The following CCDC88A variants were observed in gnomAD, a reference collection of about 807,000 sequenced individuals.
CCDC88A encodes the protein girdin.
CCDC88A carries 54 observed loss-of-function variants against 234.3 expected under a neutral mutation model. That is an observed-to-expected ratio of 0.23 (90% CI 0.19 to 0.29). The LOEUF is 0.29. Among genes scored for constraint, CCDC88A ranks in the 10% least tolerant of loss-of-function variants. The pLI is 1.00. For missense variants in CCDC88A, 1,832 were observed against 2,123.4 expected, an observed-to-expected ratio of 0.86 and a Z score of 2.70; for synonymous variants, 753 against 737.8, an observed-to-expected ratio of 1.02 and a Z score of -0.33.
intron 2 of CCDC88A, among the ~76,000 whole-genome samples, chr2:55,400,699 A>G (rs1236013940): frequency 6.6e-6 from 1 of 152,236 alleles, no homozygotes; most frequent in Non-Finnish European, 1.5e-5. Flanking sequence ...ACTAATATAT[A>G]TAAGAAACAG....
intron 3 of CCDC88A, among the ~76,000 whole-genome samples, chr2:55,376,553 A>G (rs1395643010): frequency 6.6e-6 from 1 of 152,198 alleles, no homozygotes; most frequent in African/African-American, 2.4e-5. Context: ...TTATAGATAT[A>G]TACAAGAAAG....
chr2:55,317,911 C>T lies in CCDC88A; in HGVS notation c.3325-70G>A, dbSNP rs910656787. The T allele has an allele frequency of 2.7e-6, 3 of 1,103,614 alleles. No homozygotes were observed. The highest frequency in any genetic ancestry group is 1.6e-5 in the African/African-American group (1 of 63,760). The allele number at this position is 1,103,614 out of a possible 1,614,324, so 68.4% of individuals were successfully genotyped here. On this transcript the variant is annotated intron_variant, in intron 19 of 32. Transcript: ENST00000436346. The surrounding 1 kb of genome is among the most constrained non-coding windows in gnomAD (Gnocchi z 4.2). ...TGTTCTTTTTCAAAATACAAGATTA[C>T]AATGTTAATTAAAGAAAGCTCTAAA...
chr2:55,378,379 A>G (rs1558774362), intron 3 of CCDC88A, among the ~76,000 whole-genome samples: 1 of 152,266 alleles, frequency 6.6e-6, no homozygotes, highest in Non-Finnish European at 1.5e-5. Flanking sequence ...CCTCCATATC[A>G]TCTAAAAATG....
At chr2:55,387,538 T>C (rs1015568272) in intron 3 of CCDC88A, among the ~76,000 whole-genome samples, 1 of 151,774 alleles carries the variant, frequency 6.6e-6, no homozygotes, top group Non-Finnish European at 1.5e-5. Flanking sequence ...TCCCAGCACT[T>C]TGGGAGGCTG....
chr2:55,344,634 C>T (rs1455439524), intron 10 of CCDC88A, 120 bp from the exon 11 acceptor site: 1 of 491,588 alleles, frequency 2.0e-6, no homozygotes. Flanking sequence ...AGGAAACCTA[C>T]TGAGTAATAG....
At chr2:55,410,582 T>C (rs534158492) in intron 2 of CCDC88A, among the ~76,000 whole-genome samples, 6 of 152,310 alleles carry the variant, frequency 3.9e-5, no homozygotes, top group African/African-American at 1.4e-4. Flanking sequence ...TATCCACCTA[T>C]TTTTATTAAT....
intron 3 of CCDC88A, among the ~76,000 whole-genome samples, chr2:55,385,826 C>T (rs1220988703): frequency 1.7e-5 from 2 of 117,346 alleles, no homozygotes; most frequent in African/African-American, 6.5e-5. Context: ...GCACTCCAGC[C>T]TAGGTAACAG....
intron 16 of CCDC88A, chr2:55,331,757 A>G (rs544853594): frequency 6.6e-6 from 1 of 152,246 alleles, no homozygotes; most frequent in South Asian, 2.1e-4. Context: ...AAAGGCATAG[A>G]AGTTAATTTT....
chr2:55,352,966 ACTT>A (rs1670093480), intron 8 of CCDC88A, among the ~76,000 whole-genome samples: 1 of 152,172 alleles, frequency 6.6e-6, no homozygotes, highest in South Asian at 2.1e-4. Context: ...TAGGAGATTT[ACTT>A]CTTTTTAATA....
At chr2:55,385,104 T>C (rs1036229400) in intron 3 of CCDC88A, among the ~76,000 whole-genome samples, 1 of 151,892 alleles carries the variant, frequency 6.6e-6, no homozygotes, top group African/African-American at 2.4e-5. Context: ...AACACACACA[T>C]ATCACTGCCA....
chr2:55,341,373 C>T (rs1445189946), intron 12 of CCDC88A, among the ~76,000 whole-genome samples: 3 of 151,364 alleles, frequency 2.0e-5, no homozygotes, highest in African/African-American at 4.9e-5. Flanking sequence ...GTCTTGACCT[C>T]GTGATCTGCC....
At chr2:55,344,342 TA>T in intron 11 of CCDC88A, 25 bp downstream of exon 11, 1 of 1,511,874 alleles carries the variant, frequency 6.6e-7, no homozygotes, top group South Asian at 1.3e-5. Context: ...AAAGGCCATG[TA>T]ACTGATCTAC....
At chr2:55,327,736 G>A (rs1436056261) in intron 17 of CCDC88A, among the ~76,000 whole-genome samples, 1 of 152,188 alleles carries the variant, frequency 6.6e-6, no homozygotes, top group African/African-American at 2.4e-5. Flanking sequence ...TGTGGAATGG[G>A]AAAGTCCCTT....
chr2:55,320,617 G>T (rs1381354919), intron 18 of CCDC88A, among the ~76,000 whole-genome samples: 1 of 151,974 alleles, frequency 6.6e-6, no homozygotes, highest in Non-Finnish European at 1.5e-5. Context: ...AGCAATATAG[G>T]TATATATATC....
chr2:55,391,273 T>A (rs1676596725), intron 2 of CCDC88A, among the ~76,000 whole-genome samples: 1 of 152,108 alleles, frequency 6.6e-6, no homozygotes, highest in East Asian at 1.9e-4. Context: ...AAAACAAGTC[T>A]TGAAAGGATC....
Position 55,295,707 on chromosome 2 carries a change from C to A in CCDC88A, c.5441G>T (p.Gly1814Val). ...ATGGATGCTTGTCCTTCGTGTAGTT[C>A]CTTCGGCAGTTGAGATCACGCTGCT... ...RASSVISTAE[G>V]TTRRTSIHDF... The change falls in exon 31 of 33, where the codon GGA (glycine) becomes GTA (valine). Residue 1814 changes from glycine to valine, a missense_variant. By Grantham distance (109) the Gly-to-Val change is moderately radical. Transcript: ENST00000436346. The A allele has an allele frequency of 6.2e-7, 1 of 1,614,132 alleles. No individual in the cohort carries two copies. The highest frequency in any genetic ancestry group is 8.5e-7 in the Non-Finnish European group (1 of 1,180,024).
chr2:55,354,781 G>A (rs1397182669), intron 8 of CCDC88A, among the ~76,000 whole-genome samples: 1 of 151,298 alleles, frequency 6.6e-6, no homozygotes, highest in African/African-American at 2.4e-5. Context: ...TGGCCAGACC[G>A]GTCTTGAACT....
chr2:55,370,641 CAAAAAA>C (rs567431857), intron 5 of CCDC88A, among the ~76,000 whole-genome samples: 8 of 47,528 alleles, frequency 1.7e-4, no homozygotes, highest in African/African-American at 4.3e-4. Flanking sequence ...AACTCTGTCT[CAAAAAA>C]AAAAAAAAAA....
intron 16 of CCDC88A, among the ~76,000 whole-genome samples, chr2:55,331,598 A>G (rs950410404): frequency 2.0e-5 from 3 of 152,186 alleles, no homozygotes; most frequent in African/African-American, 7.2e-5. Flanking sequence ...ATTCTTAACA[A>G]TATACAACTT....
Sources: gnomAD v4.1 joint callset for allele counts (sites outside exome capture counted in the v4.1 genomes callset) on GRCh38, gnomAD v4.1.1 for gene constraint, Gnocchi (gnomAD v3.1) non-coding constraint, MANE v1.5 for transcripts, NCBI Gene and HGNC (gene_info 2026-07-23, HGNC 2026-07-21) for gene names.